CDH12: variants seen among roughly 807,000 people sequenced by gnomAD.
CDH12 encodes cadherin 12, also known as cadherin-12.
CDH12 carries 41 observed loss-of-function variants against 74.1 expected under a neutral mutation model. The observed-to-expected ratio is 0.55, with a 90% CI of 0.43 to 0.72. CDH12 has a LOEUF of 0.72. Among genes scored for constraint, CDH12 ranks in the 30% least tolerant of loss-of-function variants. The pLI is 0.00. For synonymous variants in CDH12, 399 were observed against 355.0 expected, an observed-to-expected ratio of 1.12 and a Z score of -1.39; for missense variants, 945 against 977.2, an observed-to-expected ratio of 0.97 and a Z score of 0.44.
chr5:22,378,936 A>G (rs1294412249), intron 3 of CDH12, among the ~76,000 whole-genome samples: 8 of 152,162 alleles, frequency 5.3e-5, no homozygotes, highest in Non-Finnish European at 2.9e-5. Flanking sequence ...GTGAAATACA[A>G]TGCAGTGAAT....
At chr5:22,143,244 A>G (rs1459225587) in intron 4 of CDH12, 1 of 153,500 alleles carries the variant, frequency 6.5e-6, no homozygotes, top group Admixed American at 6.6e-5. Context: ...TTTTATATAT[A>G]CATAAACCTA....
intron 4 of CDH12, among the ~76,000 whole-genome samples, chr5:22,152,623 T>G (rs1747671876): frequency 6.6e-6 from 1 of 152,246 alleles, no homozygotes; most frequent in African/African-American, 2.4e-5. Flanking sequence ...TTTACTTTTG[T>G]GGTGAGAACA....
intron 3 of CDH12, among the ~76,000 whole-genome samples, chr5:22,221,358 C>A (rs1364705526): frequency 2.6e-5 from 4 of 151,744 alleles, no homozygotes; most frequent in Non-Finnish European, 5.9e-5. Context: ...ACTGACCTTC[C>A]CTTAGATAAT....
chr5:21,888,881 T>C (rs1278181084), intron 6 of CDH12, among the ~76,000 whole-genome samples: 1 of 152,060 alleles, frequency 6.6e-6, no homozygotes, highest in Non-Finnish European at 1.5e-5. Context: ...CCATTATTAA[T>C]GCTACTCCAG....
chr5:22,292,495 T>G (rs1561288504), intron 3 of CDH12, among the ~76,000 whole-genome samples: 1 of 152,000 alleles, frequency 6.6e-6, no homozygotes, highest in Non-Finnish European at 1.5e-5. Context: ...AAATTACACA[T>G]CTGATAAAGA....
chr5:22,412,723 A>G (rs1003745755), intron 2 of CDH12, among the ~76,000 whole-genome samples: 1 of 152,058 alleles, frequency 6.6e-6, no homozygotes, highest in East Asian at 1.9e-4. Context: ...CTTAGGCTAT[A>G]CTATAACTCT....
intron 1 of CDH12, among the ~76,000 whole-genome samples, chr5:22,842,962 G>C (rs555946751): frequency 6.6e-6 from 1 of 151,960 alleles, no homozygotes; most frequent in Admixed American, 6.6e-5. Flanking sequence ...GAAAAGGCAG[G>C]TGCATTTTTT....
intron 1 of CDH12, among the ~76,000 whole-genome samples, chr5:22,676,548 T>C (rs1561570310): frequency 6.6e-6 from 1 of 152,226 alleles, no homozygotes; most frequent in Non-Finnish European, 1.5e-5. Context: ...ATGAGGATTC[T>C]GGTCAGACAC....
chr5:22,248,032 C>A (rs1753014783), intron 3 of CDH12, among the ~76,000 whole-genome samples: 1 of 152,212 alleles, frequency 6.6e-6, no homozygotes, highest in Non-Finnish European at 1.5e-5. Context: ...TACAGTGGCT[C>A]ACGCCTGTAA....
chr5:21,801,970 G>GC (rs1747135195), intron 10 of CDH12, among the ~76,000 whole-genome samples, 197 bp downstream of exon 10: 1 of 152,074 alleles, frequency 6.6e-6, no homozygotes, highest in Admixed American at 6.6e-5. Flanking sequence ...AAACACTGCT[G>GC]CAATAGTTGA....
At chr5:21,954,386 G>GCA (rs1173839890) in intron 6 of CDH12, among the ~76,000 whole-genome samples, 1 of 151,696 alleles carries the variant, frequency 6.6e-6, no homozygotes, top group Non-Finnish European at 1.5e-5. Flanking sequence ...GTGAGTGCCT[G>GCA]CACACACACT....
intron 4 of CDH12, among the ~76,000 whole-genome samples, chr5:22,181,636 C>T (rs1749651605): frequency 6.6e-6 from 1 of 152,076 alleles, no homozygotes; most frequent in Admixed American, 6.6e-5. Flanking sequence ...TCCAAATACT[C>T]TTTGGTGTTA....
intron 3 of CDH12, among the ~76,000 whole-genome samples, chr5:22,273,939 T>G (rs1736514802): frequency 1.3e-5 from 2 of 152,314 alleles, no homozygotes; most frequent in South Asian, 4.1e-4. Context: ...AATATAATCA[T>G]GAGCATTTAT....
At chr5:21,852,823 T>G (rs1750543767) in intron 7 of CDH12, among the ~76,000 whole-genome samples, 1 of 151,408 alleles carries the variant, frequency 6.6e-6, no homozygotes. Flanking sequence ...GTGTTCTTCA[T>G]AAGCTGAAGG....
intron 11 of CDH12, among the ~76,000 whole-genome samples, chr5:21,775,814 T>C (rs1745556203): frequency 6.6e-6 from 1 of 152,144 alleles, no homozygotes; most frequent in Non-Finnish European, 1.5e-5. Flanking sequence ...GATTGTTGCA[T>C]TTCTCTTGAC....
chr5:22,069,412 T>C (rs2150214821), intron 5 of CDH12, among the ~76,000 whole-genome samples: 1 of 152,206 alleles, frequency 6.6e-6, no homozygotes, highest in East Asian at 1.9e-4. Context: ...CACTATTTCT[T>C]CCACAGCCAG....
intron 3 of CDH12, among the ~76,000 whole-genome samples, chr5:22,372,047 A>G (rs1741314610): frequency 6.6e-6 from 1 of 152,168 alleles, no homozygotes; most frequent in Admixed American, 6.5e-5. Context: ...TTAAGACAAG[A>G]GGCTAATACA....
intron 4 of CDH12, among the ~76,000 whole-genome samples, chr5:22,144,940 T>C (rs889381967): frequency 3.9e-5 from 6 of 152,100 alleles, no homozygotes; most frequent in African/African-American, 1.4e-4. Flanking sequence ...TCGGCAATGT[T>C]GTAGAATTTA....
intron 4 of CDH12, among the ~76,000 whole-genome samples, chr5:22,146,612 T>C: frequency 6.6e-6 from 1 of 152,174 alleles, no homozygotes; most frequent in Admixed American, 6.6e-5. Flanking sequence ...CATTGTACAC[T>C]AGTTACCTAG....
Sources: gnomAD v4.1 joint callset for allele counts (sites outside exome capture counted in the v4.1 genomes callset) on GRCh38, gnomAD v4.1.1 for gene constraint, MANE v1.5 for transcripts, NCBI Gene and HGNC (gene_info 2026-07-23, HGNC 2026-07-21) for gene names.